Variants in THRB observed in about 807,000 individuals in gnomAD.
The protein encoded by THRB is nuclear receptor subfamily 1 group A member 2.
THRB carries 12 observed loss-of-function variants against 47.8 expected under a neutral mutation model. The observed-to-expected ratio is 0.25, with a 90% CI of 0.16 to 0.41. The LOEUF (loss-of-function observed/expected upper bound fraction) is 0.41, where lower values mean the gene tolerates loss of function less well. Among genes scored for constraint, THRB ranks in the 10% least tolerant of loss-of-function variants. THRB has a pLI of 1.00. For missense variants in THRB, 348 were observed against 589.2 expected, an observed-to-expected ratio of 0.59 and a Z score of 4.24; for synonymous variants, 218 against 212.2, an observed-to-expected ratio of 1.03 and a Z score of -0.24.
At chr3:24,179,993 T>C (rs2149452850) in intron 5 of THRB, among the ~76,000 whole-genome samples, 1 of 152,350 alleles carries the variant, frequency 6.6e-6, no homozygotes, top group South Asian at 2.1e-4. Flanking sequence ...TTGTCTTAAA[T>C]ATTAAGTGGG....
At chr3:24,342,088 C>T (rs1211126532) in intron 1 of THRB, among the ~76,000 whole-genome samples, 1 of 151,436 alleles carries the variant, frequency 6.6e-6, no homozygotes, top group Non-Finnish European at 1.5e-5. Flanking sequence ...GTTACTATCC[C>T]TGGTAATTCC....
chr3:24,160,019 G>T (rs993751582), intron 5 of THRB, among the ~76,000 whole-genome samples: 1 of 152,206 alleles, frequency 6.6e-6, no homozygotes, highest in South Asian at 2.1e-4. Flanking sequence ...GGGAGCGGGG[G>T]TGATGAGAGA....
At chr3:24,309,776 T>C (rs182896734) in intron 2 of THRB, among the ~76,000 whole-genome samples, 4 of 152,292 alleles carry the variant, frequency 2.6e-5, no homozygotes, top group Admixed American at 2.0e-4. Flanking sequence ...CATTACTAAA[T>C]TGTTCAGCAA....
intron 1 of THRB, among the ~76,000 whole-genome samples, chr3:24,375,978 C>T (rs1332260825): frequency 2.0e-5 from 3 of 152,038 alleles, no homozygotes; most frequent in Non-Finnish European, 2.9e-5. Flanking sequence ...AAGGATTTAC[C>T]CCCAGATTAA....
At position 24,119,253 on chromosome 3, in the gene THRB, T is replaced by C. The variant is rs1405610151; in HGVS notation, c.*3631A>G. 2.0e-5 allele frequency: 3 copies of C among 152,382 alleles called. No individual in the cohort carries two copies. In the East Asian group the frequency reaches 5.8e-4, roughly 29 times the overall value. 9.4% of individuals were successfully genotyped at this position (152,382 alleles called of 1,614,324 possible). Reference sequence around the variant, plus strand: ...ATTTTAGAACCTGATGCCATAGCCGTTGGAAAGGGCAAAGAGATTCAAATG... The same window carrying C: ...ATTTTAGAACCTGATGCCATAGCCGCTGGAAAGGGCAAAGAGATTCAAATG... On this transcript the variant is annotated 3_prime_UTR_variant, in exon 11 of 11. Transcript: ENST00000646209.
chr3:24,394,250 G>A (rs1029411456), intron 1 of THRB, among the ~76,000 whole-genome samples: 1 of 152,080 alleles, frequency 6.6e-6, no homozygotes, highest in South Asian at 2.1e-4. Flanking sequence ...GTCTCTTAGA[G>A]TATATATTAA....
intron 5 of THRB, among the ~76,000 whole-genome samples, chr3:24,154,770 G>A (rs1479528159): frequency 6.6e-6 from 1 of 152,140 alleles, no homozygotes; most frequent in South Asian, 2.1e-4. Flanking sequence ...TGTCAAAAAA[G>A]CTACATCTGA....
At chr3:24,404,974 T>C (rs932986725) in intron 1 of THRB, among the ~76,000 whole-genome samples, 3 of 151,960 alleles carry the variant, frequency 2.0e-5, no homozygotes, top group African/African-American at 7.2e-5. Flanking sequence ...AGAATGATCA[T>C]TAAAGAAAAA....
At chr3:24,272,347 AAAC>A (rs35975177) in intron 3 of THRB, among the ~76,000 whole-genome samples, 124 of 149,868 alleles carry the variant, frequency 8.3e-4, no homozygotes, top group African/African-American at 1.7e-3. Flanking sequence ...CTCTCTCTCA[AAAC>A]AACAACAACA....
chr3:24,217,099 G>T (rs1028850764), intron 4 of THRB, among the ~76,000 whole-genome samples: 4 of 148,462 alleles, frequency 2.7e-5, no homozygotes, highest in African/African-American at 7.3e-5. Context: ...AGAATTATAA[G>T]ATATTAATAT....
intron 3 of THRB, among the ~76,000 whole-genome samples, chr3:24,240,151 C>T (rs2049335886): frequency 6.6e-6 from 1 of 152,144 alleles, no homozygotes; most frequent in African/African-American, 2.4e-5. Flanking sequence ...TCTCCTTTCA[C>T]CCCTCACTCT....
At chr3:24,484,457 T>G (rs1696972382) in intron 1 of THRB, among the ~76,000 whole-genome samples, 1 of 152,092 alleles carries the variant, frequency 6.6e-6, no homozygotes, top group Non-Finnish European at 1.5e-5. Flanking sequence ...ATTTTTATAT[T>G]GATTACATGT....
At chr3:24,286,418 A>C (rs2055304216) in intron 3 of THRB, among the ~76,000 whole-genome samples, 1 of 152,166 alleles carries the variant, frequency 6.6e-6, no homozygotes, top group South Asian at 2.1e-4. Flanking sequence ...GACATGCTCC[A>C]TTTCTTCACC....
intron 1 of THRB, among the ~76,000 whole-genome samples, chr3:24,406,424 T>A (rs4627707): frequency 0.058 from 8,823 of 151,840 alleles, 881 homozygotes; most frequent in African/African-American, 0.2. Context: ...TAGCATCTAT[T>A]GTAACAGCAG....
chr3:24,124,457 G>A (rs73825915), intron 10 of THRB, among the ~76,000 whole-genome samples: 2,439 of 152,178 alleles, frequency 0.016, 60 homozygotes, highest in African/African-American at 0.055. Context: ...CTTTGGATGT[G>A]TTCTTTCAAA....
At position 24,127,737 on chromosome 3, in the gene THRB, G is replaced by A. The variant is rs777399698; in HGVS notation, c.906C>T (p.Ile302=). The change falls in exon 10 of 11, where the codon ATC becomes ATT. Residue 302 remains isoleucine (I), a synonymous_variant. Coordinates refer to ENST00000646209, the MANE Select transcript of THRB (RefSeq NM_001354712.2). ...CCATGCAGCAGCCTTTGAGGAGGAT[G>A]ATCTGGTCTTCACATGGCAGCTGAA... is the stretch of plus-strand genomic sequence containing the variant. ...MFCELPCEDQ[I]ILLKGCCMEI... The A allele has an allele frequency of 1.9e-6, 3 of 1,614,214 alleles. No individual in the cohort carries two copies. The South Asian group carries it at 3.3e-5, about 18-fold the overall frequency.
intron 1 of THRB, among the ~76,000 whole-genome samples, chr3:24,449,904 G>A (rs920143992): frequency 1.3e-5 from 2 of 152,012 alleles, no homozygotes; most frequent in Non-Finnish European, 2.9e-5. Context: ...TGATTTATAA[G>A]CAATAATCAT....
chr3:24,371,878 T>C (rs1343959513), intron 1 of THRB, among the ~76,000 whole-genome samples: 1 of 152,210 alleles, frequency 6.6e-6, no homozygotes, highest in Non-Finnish European at 1.5e-5. Context: ...TTTATGATTC[T>C]TCAAAAGTAT....
At chr3:24,271,346 A>T (rs143054868) in intron 3 of THRB, among the ~76,000 whole-genome samples, 1 of 152,248 alleles carries the variant, frequency 6.6e-6, no homozygotes, top group African/African-American at 2.4e-5. Context: ...AAAACAGGGG[A>T]AAGAGAGTAA....
Sources: gnomAD v4.1 joint callset for allele counts (sites outside exome capture counted in the v4.1 genomes callset) on GRCh38, gnomAD v4.1.1 for gene constraint, MANE v1.5 for transcripts, NCBI Gene and HGNC (gene_info 2026-07-23, HGNC 2026-07-21) for gene names.